The following PROX1 variants were observed in gnomAD, a reference collection of about 807,000 sequenced individuals.
The protein encoded by PROX1 is prospero homeobox protein 1.
PROX1 carries 7 observed loss-of-function variants against 58.8 expected under a neutral mutation model. That is an observed-to-expected ratio of 0.12 (90% CI 0.07 to 0.22). The LOEUF (loss-of-function observed/expected upper bound fraction) is 0.22, where lower values mean the gene tolerates loss of function less well. PROX1 is among the 10% of genes least tolerant of loss of function. The probability of loss-of-function intolerance (pLI) is 1.00; values close to 1 mark genes in which losing one functional copy is unlikely to be tolerated. For synonymous variants in PROX1, 350 were observed against 358.3 expected (o/e 0.98, Z 0.26); for missense variants, 675 against 927.8 (o/e 0.73, Z 3.54).
At chr1:214,002,412 C>CTTT (rs774337530) in intron 2 of PROX1, among the ~76,000 whole-genome samples, 18,430 of 115,966 alleles carry the variant, frequency 0.16, 1,455 homozygotes, top group Non-Finnish European at 0.2. Context: ...TTTCTTTTTT[C>CTTT]TTTTTTTTTT....
intron 2 of PROX1, among the ~76,000 whole-genome samples, chr1:214,003,171 G>A (rs1663584629): frequency 6.6e-6 from 1 of 152,150 alleles, no homozygotes. Context: ...AGGAAGTTTT[G>A]GTAGCTCAGT....
rs1361158831 is a variant in PROX1 at position 214,039,584 on chromosome 1, T to G, written c.*3750T>G. ...AATAAATAACTACATTCTCACGACA[T>G]CTGTTGAATTTACTAGGAACACTAC... On this transcript the variant is annotated 3_prime_UTR_variant, in exon 5 of 5. Coordinates refer to ENST00000366958, the MANE Select transcript of PROX1 (RefSeq NM_001270616.2). The G allele has an allele frequency of 6.6e-6, 1 of 152,200 alleles. No homozygotes were observed. Among genetic ancestry groups the G allele is most frequent in the Non-Finnish European group, 1.5e-5 (1 of 68,024 alleles). The allele number at this position is 152,200 out of a possible 1,614,324, so 9.4% of individuals were successfully genotyped here.
chr1:214,011,838 G>T, intron 4 of PROX1, 123 bp downstream of exon 4: 1 of 752,644 alleles, frequency 1.3e-6, no homozygotes, highest in Non-Finnish European at 2.0e-6. Flanking sequence ...CCCCAATAGA[G>T]TAACAGGTAG....
At position 214,011,571 on chromosome 1, in the gene PROX1, T is replaced by A; in HGVS notation, c.1884T>A (p.Arg628=). The A allele has an allele frequency of 6.2e-7, 1 of 1,614,028 alleles. No individual in the cohort carries two copies. The highest frequency in any genetic ancestry group is 8.5e-7 in the Non-Finnish European group (1 of 1,179,910). Residue 628 remains arginine (R), a synonymous_variant, in exon 4 of 5, where the codon CGT becomes CGA. Coordinates refer to ENST00000366958, the MANE Select transcript of PROX1 (RefSeq NM_001270616.2). The part of the protein sequence containing the change: ...SQLIKWFSNF[R]EFYYIQMEKY... Reference sequence around the variant, plus strand: ...TCATCAAGTGGTTTAGCAATTTCCGTGAGTTTTACTACATTCAGATGGAGA... The same window carrying A: ...TCATCAAGTGGTTTAGCAATTTCCGAGAGTTTTACTACATTCAGATGGAGA...
At position 213,997,741 on chromosome 1, in the gene PROX1, C is replaced by T. The variant is rs773471213; in HGVS notation, c.1206C>T (p.Phe402=). The T allele has an allele frequency of 6.8e-6, 11 of 1,614,142 alleles. No homozygotes were observed. Among genetic ancestry groups the T allele is most frequent in the Non-Finnish European group, 5.9e-6 (7 of 1,179,998 alleles). ...CAGTCAATGGGGAAAACCACAATTT[C>T]CACACCGCCAACCAGCGCCTGCAGT... ...RFAVNGENHN[F]HTANQRLQCF... The change falls in exon 2 of 5, where the codon TTC becomes TTT. Residue 402 remains phenylalanine, a synonymous_variant. Transcript: ENST00000366958. The surrounding 1 kb of genome is among the most constrained non-coding windows in gnomAD (Gnocchi z 7.1).
chr1:214,001,527 T>C (rs1663510516), intron 2 of PROX1, among the ~76,000 whole-genome samples: 1 of 152,222 alleles, frequency 6.6e-6, no homozygotes, highest in Non-Finnish European at 1.5e-5. Context: ...AGGAGTAGTA[T>C]AAGCCGTTAA....
chr1:213,986,088 T>C (rs1662817130), upstream of PROX1: 1 of 152,226 alleles, frequency 6.6e-6, no homozygotes, highest in African/African-American at 2.4e-5. Context: ...ACCCAACCAA[T>C]AGAAGCATTA....
At chr1:213,987,279 T>A (rs1558163091), upstream of PROX1, among the ~76,000 whole-genome samples, 1 of 152,158 alleles carries the variant, frequency 6.6e-6, no homozygotes, top group Admixed American at 6.5e-5. Flanking sequence ...CTCTGGCACC[T>A]ATTATTTTAA....
At chr1:213,985,054 T>A (rs1467406289), upstream of PROX1, 1 of 152,208 alleles carries the variant, frequency 6.6e-6, no homozygotes, top group Non-Finnish European at 1.5e-5. Context: ...AACACACAGA[T>A]CACCCTTCAG....
At chr1:214,002,091 C>A (rs1376384289) in intron 2 of PROX1, among the ~76,000 whole-genome samples, 1 of 152,146 alleles carries the variant, frequency 6.6e-6, no homozygotes, top group Non-Finnish European at 1.5e-5. Flanking sequence ...TAGTCTCAAC[C>A]CATTTGCTGG....
chr1:213,991,480 A>G lies in PROX1; in HGVS notation c.-68+2997A>G, dbSNP rs981238513. On this transcript the variant is annotated intron_variant, in intron 1 of 4. Transcript: ENST00000366958. The stretch of plus-strand genomic sequence containing the variant: ...TGGATGCTTTTGAAGTTCTTTGGTA[A>G]TTAAAATGTCATCTATGCCTATGTT... Among the ~76,000 whole-genome samples, 17 of 152,194 alleles carry G rather than the reference A, an allele frequency of 1.1e-4. 1 individual carries two copies. The highest frequency in any genetic ancestry group is 4.1e-4 in the African/African-American group (17 of 41,450).
At chr1:213,986,048 C>G (rs957968042), upstream of PROX1, 3 of 152,224 alleles carry the variant, frequency 2.0e-5, no homozygotes, top group South Asian at 2.1e-4. Flanking sequence ...CCAAGTTTCC[C>G]CGCTCAATAC....
intron 4 of PROX1, chr1:214,028,744 T>C (rs1023348848): frequency 6.6e-6 from 1 of 152,256 alleles, no homozygotes; most frequent in African/African-American, 2.4e-5. Flanking sequence ...CAGGATTCAC[T>C]GTGTATAGCA....
intron 3 of PROX1, among the ~76,000 whole-genome samples, chr1:214,009,343 A>G (rs773711204): frequency 2.6e-5 from 4 of 152,176 alleles, no homozygotes; most frequent in Non-Finnish European, 4.4e-5. Flanking sequence ...TTAACACACT[A>G]CAGAGCTTTC....
intron 1 of PROX1, among the ~76,000 whole-genome samples, chr1:213,991,440 A>C (rs554920081): frequency 1.6e-4 from 24 of 152,240 alleles, no homozygotes; most frequent in African/African-American, 5.5e-4. Flanking sequence ...ACACACACAC[A>C]CCCAATACTT....
intron 4 of PROX1, among the ~76,000 whole-genome samples, chr1:214,027,037 C>T (rs1351926243): frequency 6.6e-6 from 1 of 152,170 alleles, no homozygotes; most frequent in African/African-American, 2.4e-5. Context: ...AGTGGTCTGA[C>T]TTGGAAGTGT....
chr1:214,022,267 G>A (rs982127058), intron 4 of PROX1, among the ~76,000 whole-genome samples: 46 of 152,200 alleles, frequency 3.0e-4, no homozygotes, highest in African/African-American at 1.1e-3. Flanking sequence ...AATAGGGGAT[G>A]TAATAGTGAC....
intron 2 of PROX1, among the ~76,000 whole-genome samples, chr1:214,001,944 C>T (rs928269187): frequency 6.6e-6 from 1 of 152,062 alleles, no homozygotes; most frequent in African/African-American, 2.4e-5. Context: ...TGCTCTATCA[C>T]TGTCATTATG....
intron 4 of PROX1, among the ~76,000 whole-genome samples, chr1:214,014,790 G>C (rs1280804952): frequency 6.6e-6 from 1 of 152,102 alleles, no homozygotes; most frequent in Non-Finnish European, 1.5e-5. Context: ...TCTACCCCTT[G>C]TCTTCTCTCA....
Sources: allele counts gnomAD v4.1 joint callset (sites outside exome capture counted in the v4.1 genomes callset), GRCh38; gene constraint gnomAD v4.1.1; non-coding constraint Gnocchi (gnomAD v3.1); transcripts MANE v1.5; gene names NCBI Gene and HGNC (gene_info 2026-07-23, HGNC 2026-07-21).